Variants in FGD4 observed in about 807,000 individuals in gnomAD.
FGD4 encodes the protein FYVE, RhoGEF and PH domain containing 4.
FGD4 carries 42 observed loss-of-function variants against 102.0 expected under a neutral mutation model. The ratio of observed to expected loss-of-function variants is 0.41; its 90% CI spans 0.32 to 0.53. The LOEUF is 0.53. Among genes scored for constraint, FGD4 ranks in the 20% least tolerant of loss-of-function variants. The probability of loss-of-function intolerance (pLI) is 0.21; values close to 1 mark genes in which losing one functional copy is unlikely to be tolerated. For synonymous variants in FGD4, 380 were observed against 375.7 expected, an observed-to-expected ratio of 1.01 and a Z score of -0.13; for missense variants, 902 against 1,078.2, an observed-to-expected ratio of 0.84 and a Z score of 2.29.
At chr12:32,585,206 C>A (rs1946906668) in intron 4 of FGD4, among the ~76,000 whole-genome samples, 1 of 133,608 alleles carries the variant, frequency 7.5e-6, no homozygotes, top group Admixed American at 7.7e-5. Context: ...CAGAGTGAGA[C>A]CCTGTCTCAA....
At chr12:32,624,205 A>G (rs1950012127) in intron 11 of FGD4, among the ~76,000 whole-genome samples, 1 of 152,204 alleles carries the variant, frequency 6.6e-6, no homozygotes, top group African/African-American at 2.4e-5. Flanking sequence ...AACTAACCCC[A>G]TCAAATTTTA....
At chr12:32,610,627 A>G in intron 8 of FGD4, 149 bp from the exon 9 acceptor site, 1 of 672,038 alleles carries the variant, frequency 1.5e-6, no homozygotes, top group Non-Finnish European at 2.5e-6. Flanking sequence ...AATGAACTTT[A>G]GAAAGTATAT....
At chr12:32,638,969 T>G in intron 16 of FGD4, 174 bp downstream of exon 16, 1 of 1,457,560 alleles carries the variant, frequency 6.9e-7, no homozygotes. Flanking sequence ...TGATTCATTT[T>G]ATAGCCTATA....
chr12:32,564,941 G>C (rs1945064311), intron 2 of FGD4, among the ~76,000 whole-genome samples: 1 of 152,156 alleles, frequency 6.6e-6, no homozygotes, highest in Non-Finnish European at 1.5e-5. Context: ...AGAGAGCAAG[G>C]CCTTTTGAAA....
intron 1 of FGD4, among the ~76,000 whole-genome samples, chr12:32,473,586 A>G (rs1041034270): frequency 6.6e-6 from 1 of 152,004 alleles, no homozygotes; most frequent in Non-Finnish European, 1.5e-5. Context: ...GAGCTGTAAC[A>G]CTCACCGCGA....
intron 2 of FGD4, among the ~76,000 whole-genome samples, chr12:32,570,000 T>C (rs1202652833): frequency 1.3e-5 from 2 of 152,108 alleles, no homozygotes; most frequent in Non-Finnish European, 1.5e-5. Context: ...CCCAGCACTT[T>C]GGGAGGCCGA....
At chr12:32,465,927 C>T (rs918963536) in intron 1 of FGD4, among the ~76,000 whole-genome samples, 16 of 152,178 alleles carry the variant, frequency 1.1e-4, no homozygotes, top group South Asian at 6.2e-4. Context: ...CACAGTCATA[C>T]GCCACCATGC....
At chr12:32,603,515 T>A (rs7968781) in intron 7 of FGD4, among the ~76,000 whole-genome samples, 61,524 of 151,378 alleles carry the variant, frequency 0.41, 13,778 homozygotes, top group African/African-American at 0.6. Context: ...CTCAGCCTGT[T>A]GCTGGGACTA....
Position 32,582,213 on chromosome 12 carries a change from A to G in FGD4, c.757A>G (p.Ile253Val), listed in dbSNP as rs377667357. 6.8e-6 allele frequency: 11 copies of G among 1,614,142 alleles called. No individual in the cohort carries two copies. Among genetic ancestry groups the G allele is most frequent in the Admixed American group, 1.7e-5 (1 of 60,018 alleles). ...KAATLSSDTS[I>V]QASEPLLDTH... ...TGCCACTCTTAGCTCAGATACTTCT[A>G]TTCAAGCTTCTGAACCCTTGCTTGA... The change falls in exon 4 of 17, where the codon ATT becomes GTT. Residue 253 changes from isoleucine (I) to valine (V), a missense_variant. Physicochemically the swap from Ile to Val is conservative, Grantham distance 29. This residue lies in a region of FGD4 where 443 missense variants were observed against 459.2 expected (regional missense o/e 0.96). Coordinates refer to ENST00000534526, the MANE Select transcript of FGD4 (RefSeq NM_001370298.3).
In FGD4 at chr12:32,606,436, C is replaced by T. The variant is rs568997198; in HGVS notation, c.1405-1521C>T. ...GACATTATTACCCATATTACCATTA[C>T]TTTACGTCTTCTATTTTCCTCTACT... On this transcript the variant is annotated intron_variant, in intron 7 of 16. Transcript: ENST00000534526. Among the ~76,000 whole-genome samples, 44 of 151,480 alleles carry T rather than the reference C, an allele frequency of 2.9e-4. No individual in the cohort carries two copies. The South Asian group carries it at 9.0e-3, about 31-fold the overall frequency.
At chr12:32,536,451 A>G (rs1360838610) in intron 1 of FGD4, among the ~76,000 whole-genome samples, 3 of 152,192 alleles carry the variant, frequency 2.0e-5, no homozygotes, top group African/African-American at 7.2e-5. Context: ...ATCCCTGCCC[A>G]CTTCCTGAGC....
chr12:32,527,395 ACACACATCCAGAATCGGTTTCTTCC>A (rs1378924278), intron 1 of FGD4, among the ~76,000 whole-genome samples: 2 of 151,774 alleles, frequency 1.3e-5, no homozygotes, highest in Non-Finnish European at 2.9e-5. Context: ...CAGGGGCACC[ACACACATCCAGAATCGGTTTCTTCC>A]CAGAGCCTGG....
At chr12:32,420,776 A>G (rs956738470) in intron 1 of FGD4, among the ~76,000 whole-genome samples, 3 of 152,152 alleles carry the variant, frequency 2.0e-5, no homozygotes, top group African/African-American at 7.2e-5. Context: ...TTCTGTAGTC[A>G]TCCATTGCTC....
intron 1 of FGD4, among the ~76,000 whole-genome samples, chr12:32,512,305 G>A (rs1939456733): frequency 6.6e-6 from 1 of 151,990 alleles, no homozygotes; most frequent in Admixed American, 6.6e-5. Flanking sequence ...AAATTAGCTG[G>A]GCATGGTGGC....
intron 15 of FGD4, 145 bp from the exon 16 acceptor site, chr12:32,638,510 T>C: frequency 1.8e-6 from 2 of 1,124,782 alleles, no homozygotes; most frequent in Non-Finnish European, 2.6e-6. Flanking sequence ...ATATTTTCCA[T>C]GTTAAAATGT....
rs566043552 is a variant in FGD4, at chr12:32,643,645, A to C, written c.*3112A>C. 6.7e-6 allele frequency: 1 copy of C among 149,020 alleles called. No homozygotes were observed. Among genetic ancestry groups the C allele is most frequent in the East Asian group, 1.9e-4 (1 of 5,142 alleles). The allele number at this position is 149,020 out of a possible 1,614,324, so 9.2% of individuals were successfully genotyped here. A position where few individuals can be genotyped will look rare whatever the true frequency, so the allele number is the denominator to read the frequency against. ...AACCTTTTAAATGTACCCTTTCCCC[A>C]TATATATATACGCACACGTTTGGAT... On this transcript the variant is annotated 3_prime_UTR_variant, in exon 17 of 17. Transcript: ENST00000534526.
chr12:32,481,958 C>A (rs2136548200), intron 1 of FGD4, among the ~76,000 whole-genome samples: 1 of 152,210 alleles, frequency 6.6e-6, no homozygotes, highest in East Asian at 1.9e-4. Flanking sequence ...GCATAAAGTT[C>A]AATTGGGCAG....
chr12:32,583,359 T>G (rs577564357), intron 4 of FGD4, among the ~76,000 whole-genome samples: 1 of 152,050 alleles, frequency 6.6e-6, no homozygotes, highest in Non-Finnish European at 1.5e-5. Context: ...AAAAAAAATC[T>G]TAGTTTAGCA....
At chr12:32,446,400 G>A (rs549963080) in intron 1 of FGD4, among the ~76,000 whole-genome samples, 2 of 152,170 alleles carry the variant, frequency 1.3e-5, no homozygotes, top group South Asian at 2.1e-4. Flanking sequence ...ACTAAGAGGC[G>A]GAGGCTTCAG....
Sources: allele counts gnomAD v4.1 joint callset (sites outside exome capture counted in the v4.1 genomes callset), GRCh38; gene constraint gnomAD v4.1.1; regional missense constraint gnomAD v4.1.1; transcripts MANE v1.5; gene names NCBI Gene and HGNC (gene_info 2026-07-23, HGNC 2026-07-21).